MIGA1: variants seen among roughly 807,000 people sequenced by gnomAD.
MIGA1 encodes the protein mitoguardin 1.
In MIGA1, 58 loss-of-function variants were observed where a neutral mutation model predicts 82.0. That is an observed-to-expected ratio of 0.71 (90% CI 0.57 to 0.88). The LOEUF is 0.88. Ranked by LOEUF, MIGA1 falls within the 40% of genes least tolerant of loss-of-function variation. The probability of loss-of-function intolerance (pLI) is 0.00; values close to 1 mark genes in which losing one functional copy is unlikely to be tolerated. For missense variants in MIGA1, 751 were observed against 749.1 expected (o/e 1.00, Z -0.03); for synonymous variants, 249 against 253.6 (o/e 0.98, Z 0.17).
At chr1:77,866,857 T>G (rs1685690809) in intron 14 of MIGA1, among the ~76,000 whole-genome samples, 1 of 151,846 alleles carries the variant, frequency 6.6e-6, no homozygotes, top group Non-Finnish European at 1.5e-5. Context: ...TTTTTTTATT[T>G]TTAGTAGAGA....
intron 1 of MIGA1, among the ~76,000 whole-genome samples, chr1:77,781,073 A>AT (rs1681893714): frequency 6.6e-6 from 1 of 151,466 alleles, no homozygotes; most frequent in African/African-American, 2.4e-5. Flanking sequence ...CTCCTGGCTA[A>AT]TTTTTTTGTA....
intron 8 of MIGA1, chr1:77,847,112 T>G (rs1453707785): frequency 4.6e-6 from 4 of 872,608 alleles, no homozygotes; most frequent in Non-Finnish European, 7.9e-6. Flanking sequence ...AACAAGATGG[T>G]GATTCTGGGC....
chr1:77,838,077 C>A (rs1333954724), intron 7 of MIGA1, among the ~76,000 whole-genome samples: 2 of 152,204 alleles, frequency 1.3e-5, no homozygotes, highest in African/African-American at 4.8e-5. Flanking sequence ...TGAGCCTTTT[C>A]TGCTCTCAGC....
chr1:77,820,031 A>G (rs1234181707), intron 7 of MIGA1, among the ~76,000 whole-genome samples: 1 of 151,938 alleles, frequency 6.6e-6, no homozygotes, highest in Non-Finnish European at 1.5e-5. Flanking sequence ...AGCTTAGAGC[A>G]GGCAGCCTGG....
chr1:77,871,938 CTTG>C (rs892290342), intron 14 of MIGA1, among the ~76,000 whole-genome samples: 3 of 151,888 alleles, frequency 2.0e-5, no homozygotes, highest in Non-Finnish European at 2.9e-5. Flanking sequence ...CTGTAGCATT[CTTG>C]TTGTTGCTTC....
intron 8 of MIGA1, among the ~76,000 whole-genome samples, chr1:77,856,657 G>A (rs1685264280): frequency 6.6e-6 from 1 of 152,074 alleles, no homozygotes; most frequent in Non-Finnish European, 1.5e-5. Flanking sequence ...TCTAGTTTAT[G>A]TGCGTAAAGG....
At chr1:77,869,476 T>C (rs1685816987) in intron 14 of MIGA1, among the ~76,000 whole-genome samples, 4 of 133,588 alleles carry the variant, frequency 3.0e-5, no homozygotes, top group African/African-American at 8.6e-5. Flanking sequence ...CCAGACGGGG[T>C]CGTGGCCGGG....
chr1:77,802,674 C>T (rs370183857), intron 3 of MIGA1, among the ~76,000 whole-genome samples: 3 of 151,514 alleles, frequency 2.0e-5, no homozygotes, highest in South Asian at 2.1e-4. Flanking sequence ...CCCAGCTACT[C>T]GGGAGGCTGA....
chr1:77,793,444 G>T (rs1355665613), intron 2 of MIGA1, among the ~76,000 whole-genome samples: 2 of 151,470 alleles, frequency 1.3e-5, no homozygotes, highest in African/African-American at 2.4e-5. Context: ...GGTTTTTTTT[G>T]TTTGTTTGTT....
chr1:77,822,222 A>G (rs1683843852), intron 7 of MIGA1, among the ~76,000 whole-genome samples: 1 of 152,190 alleles, frequency 6.6e-6, no homozygotes, highest in Admixed American at 6.5e-5. Flanking sequence ...TCAACCAGCT[A>G]TGAATTCAGC....
chr1:77,865,974 G>A (rs1330054325), intron 13 of MIGA1, among the ~76,000 whole-genome samples: 4 of 152,016 alleles, frequency 2.6e-5, no homozygotes, highest in African/African-American at 7.2e-5. Flanking sequence ...GTGCAGTGGC[G>A]CGATCTCTGT....
Position 77,860,136 on chromosome 1 carries a change from TTC to T in MIGA1, c.1275+12_1275+13del. ...TGTGAAAGCACGAAAGGTAAACTTG[TTC>T]TGTTGGCAAGATTTTTACCATTTAC... On this transcript the variant is annotated intron_variant, in intron 11 of 15. Transcript: ENST00000370791. 6.3e-7 allele frequency: 1 copy of T among 1,586,568 alleles called. No homozygotes were observed.
chr1:77,848,704 A>T, intron 8 of MIGA1: 1 of 1,556,364 alleles, frequency 6.4e-7, no homozygotes, highest in South Asian at 1.1e-5. Context: ...TGCAAAGAGG[A>T]ACAACGAAGA....
intron 13 of MIGA1, among the ~76,000 whole-genome samples, chr1:77,865,283 AC>A (rs779783827): frequency 1.2e-4 from 19 of 152,108 alleles, no homozygotes; most frequent in East Asian, 1.2e-3. Context: ...TTCCAATAGT[AC>A]TATTCTTGAA....
chr1:77,806,457 G>A (rs555355620), intron 4 of MIGA1, among the ~76,000 whole-genome samples: 9 of 152,208 alleles, frequency 5.9e-5, no homozygotes, highest in Admixed American at 1.3e-4. Context: ...TCTCAAAACT[G>A]AACTGGAATT....
intron 8 of MIGA1, among the ~76,000 whole-genome samples, chr1:77,852,146 A>G (rs1030260958): frequency 3.9e-5 from 6 of 152,124 alleles, no homozygotes; most frequent in African/African-American, 1.4e-4. Context: ...CAACCTCCCA[A>G]AGTGCTGGGA....
At chr1:77,841,627 G>A (rs1684630477) in intron 7 of MIGA1, among the ~76,000 whole-genome samples, 1 of 150,976 alleles carries the variant, frequency 6.6e-6, no homozygotes, top group Admixed American at 6.6e-5. Flanking sequence ...TTGGTACTTA[G>A]GGTTTTAAAC....
chr1:77,828,902 C>A (rs529905588), intron 7 of MIGA1, among the ~76,000 whole-genome samples: 1 of 152,132 alleles, frequency 6.6e-6, no homozygotes, highest in Admixed American at 6.5e-5. Context: ...GGCTCGAACT[C>A]CTGGGCTCAA....
At chr1:77,841,851 T>A (rs898523819) in intron 7 of MIGA1, among the ~76,000 whole-genome samples, 5 of 151,156 alleles carry the variant, frequency 3.3e-5, no homozygotes, top group Non-Finnish European at 7.4e-5. Flanking sequence ...CAGGCTGGAG[T>A]GCAGTGGTGC....
Sources: gnomAD v4.1 joint callset for allele counts (sites outside exome capture counted in the v4.1 genomes callset) on GRCh38, gnomAD v4.1.1 for gene constraint, MANE v1.5 for transcripts, NCBI Gene and HGNC (gene_info 2026-07-23, HGNC 2026-07-21) for gene names.